MACF1: variants seen among roughly 807,000 people sequenced by gnomAD.
The protein encoded by MACF1 is microtubule-actin cross-linking factor 1.
Under a neutral mutation model 854.8 loss-of-function variants are expected in MACF1, and 193 were observed. The observed-to-expected ratio is 0.23, with a 90% confidence interval of 0.20 to 0.25. The LOEUF is 0.25. Ranked by LOEUF, MACF1 falls within the 10% of genes least tolerant of loss-of-function variation. The pLI is 1.00. For missense variants in MACF1, 7,722 were observed against 8,929.1 expected (o/e 0.86, Z 5.45); for synonymous variants, 3,185 against 3,226.7 (o/e 0.99, Z 0.44).
intron 2 of MACF1, among the ~76,000 whole-genome samples, chr1:39,175,290 G>C (rs1260792030): frequency 1.3e-5 from 2 of 152,172 alleles, no homozygotes; most frequent in African/African-American, 4.8e-5. Context: ...TTGTGTATAT[G>C]CCAGAACAAA....
chr1:39,317,199 C>T lies in MACF1; in HGVS notation c.3589-15C>T. On this transcript the variant is annotated splice_polypyrimidine_tract_variant and intron_variant, in intron 28 of 100. Transcript: ENST00000564288. ...GGAAAGTATACAACCTGTTTCTGTA[C>T]TTATGTTTCCACAGCACTGGCTTAG... is the stretch of plus-strand genomic sequence containing the variant. The T allele has an allele frequency of 1.2e-6, 2 of 1,611,698 alleles. No individual in the cohort carries two copies. Among genetic ancestry groups the T allele is most frequent in the Non-Finnish European group, 1.7e-6 (2 of 1,179,010 alleles).
At chr1:39,235,418 AG>A (rs1336731942) in intron 2 of MACF1, among the ~76,000 whole-genome samples, 1 of 152,248 alleles carries the variant, frequency 6.6e-6, no homozygotes, top group Non-Finnish European at 1.5e-5. Flanking sequence ...TCAGGCAGGG[AG>A]GTTGCAGTGC....
intron 1 of MACF1, among the ~76,000 whole-genome samples, chr1:39,222,230 C>A (rs1644662244): frequency 6.6e-6 from 1 of 152,082 alleles, no homozygotes; most frequent in African/African-American, 2.4e-5. Context: ...GCTCAAGTGA[C>A]CCTCCCACCT....
intron 46 of MACF1, 119 bp from the exon 47 acceptor site, chr1:39,359,022 T>C: frequency 7.1e-7 from 1 of 1,418,080 alleles, no homozygotes; most frequent in Non-Finnish European, 9.6e-7. Flanking sequence ...TTGCTTCTAA[T>C]ATTTATGGCT....
At chr1:39,110,173 G>A (rs1440068311) in intron 2 of MACF1, among the ~76,000 whole-genome samples, 2 of 150,930 alleles carry the variant, frequency 1.3e-5, no homozygotes, top group African/African-American at 4.9e-5. Context: ...ACGCTCTGAA[G>A]CAACCTTTTG....
intron 83 of MACF1, 127 bp downstream of exon 83, chr1:39,448,279 G>T: frequency 9.1e-7 from 1 of 1,096,750 alleles, no homozygotes; most frequent in Non-Finnish European, 1.3e-6. Flanking sequence ...TCAAAATGAT[G>T]AAGCCAGGGT....
intron 2 of MACF1, among the ~76,000 whole-genome samples, chr1:39,241,876 G>C (rs1557539000): frequency 6.6e-6 from 1 of 152,010 alleles, no homozygotes; most frequent in African/African-American, 2.4e-5. Context: ...AAGTTATTTA[G>C]CTTCTCTAGG....
At chr1:39,446,508 TGGG>T (rs933224601) in intron 80 of MACF1, among the ~76,000 whole-genome samples, 9 of 150,524 alleles carry the variant, frequency 6.0e-5, no homozygotes, top group South Asian at 4.2e-4. Context: ...TTTTTTTTGG[TGGG>T]GGGTGGTTAC....
intron 2 of MACF1, among the ~76,000 whole-genome samples, chr1:39,107,664 G>A (rs1442386268): frequency 6.6e-6 from 1 of 152,162 alleles, no homozygotes; most frequent in African/African-American, 2.4e-5. Context: ...AGAACAGTTT[G>A]TCTAAGCAGA....
intron 2 of MACF1, among the ~76,000 whole-genome samples, chr1:39,186,404 T>A (rs565999326): frequency 6.6e-6 from 1 of 151,366 alleles, no homozygotes; most frequent in East Asian, 2.0e-4. Context: ...GTAGCTGGGA[T>A]TACAGGCACG....
intron 2 of MACF1, among the ~76,000 whole-genome samples, chr1:39,245,415 G>C (rs894276292): frequency 1.1e-4 from 17 of 152,046 alleles, no homozygotes; most frequent in African/African-American, 4.1e-4. Flanking sequence ...TGAGTAGCTG[G>C]GACTACAGGC....
chr1:39,363,987 A>T (rs1435392885), intron 49 of MACF1, among the ~76,000 whole-genome samples: 1 of 152,060 alleles, frequency 6.6e-6, no homozygotes, highest in African/African-American at 2.4e-5. Flanking sequence ...AGCTGTGTGT[A>T]TTTTTTCCCA....
chr1:39,481,510 C>T lies in MACF1; in HGVS notation c.22281+480C>T, dbSNP rs189519858. ...TTGGTATTGCCACACCACACTGGTC[C>T]GAGGCGTGGGTGCTGTCTCCTTCAG... On this transcript the variant is annotated intron_variant, in intron 99 of 100. Transcript: ENST00000564288. 1.1e-3 allele frequency among the ~76,000 whole-genome samples: 162 copies of T among 152,260 alleles called. 1 individual carries two copies. Among genetic ancestry groups the T allele is most frequent in the Admixed American group, 0.01 (158 of 15,298 alleles).
chr1:39,234,680 T>C (rs1356129784), intron 2 of MACF1, among the ~76,000 whole-genome samples: 18 of 83,860 alleles, frequency 2.1e-4, no homozygotes, highest in South Asian at 5.4e-4. Flanking sequence ...GGGGTGGCTG[T>C]CGGGCGGAGA....
At chr1:39,241,987 C>T (rs1644929583) in intron 2 of MACF1, among the ~76,000 whole-genome samples, 1 of 152,206 alleles carries the variant, frequency 6.6e-6, no homozygotes, top group Non-Finnish European at 1.5e-5. Context: ...GTGTAACTTA[C>T]TCCTTTTGTT....
At chr1:39,113,365 A>G (rs529275293) in intron 2 of MACF1, among the ~76,000 whole-genome samples, 1 of 152,326 alleles carries the variant, frequency 6.6e-6, no homozygotes, top group African/African-American at 2.4e-5. Flanking sequence ...CTGCAGGTTG[A>G]AAACTATAAA....
intron 38 of MACF1, among the ~76,000 whole-genome samples, chr1:39,337,812 C>T (rs1203594462): frequency 6.6e-6 from 1 of 150,468 alleles, no homozygotes; most frequent in Non-Finnish European, 1.5e-5. Context: ...CTCTGTTGCC[C>T]AGGCTGGAGT....
chr1:39,399,464 T>C (rs921677368), intron 58 of MACF1, among the ~76,000 whole-genome samples: 1 of 143,080 alleles, frequency 7.0e-6, no homozygotes, highest in South Asian at 2.3e-4. Context: ...AATTTCTGAC[T>C]CCCAGGTTCA....
Position 39,292,764 on chromosome 1 carries a change from A to G in MACF1, c.1915-2A>G. The G allele has an allele frequency of 1.9e-6, 3 of 1,603,084 alleles. No individual in the cohort carries two copies. The highest frequency in any genetic ancestry group is 1.3e-5 in the African/African-American group (1 of 74,666). On this transcript the variant is annotated splice_acceptor_variant, in intron 16 of 100. Coordinates refer to ENST00000564288, the MANE Select transcript of MACF1 (RefSeq NM_001394062.1). LOFTEE classifies it high-confidence loss of function. Reference sequence around the variant, plus strand: ...ATTTTTATTTCATTCTTTTTTAATCAGGGAAAGATGTCCCAGAATTTCCAT... The same window carrying G: ...ATTTTTATTTCATTCTTTTTTAATCGGGGAAAGATGTCCCAGAATTTCCAT...
Sources: allele counts gnomAD v4.1 joint callset (sites outside exome capture counted in the v4.1 genomes callset), GRCh38; gene constraint gnomAD v4.1.1; transcripts MANE v1.5; gene names NCBI Gene and HGNC (gene_info 2026-07-23, HGNC 2026-07-21).